The following DNAJC1 variants were observed in gnomAD, a reference collection of about 807,000 sequenced individuals.
The protein encoded by DNAJC1 is DnaJ heat shock protein family (Hsp40) member C1.
DNAJC1 carries 58 observed loss-of-function variants against 76.6 expected under a neutral mutation model. The ratio of observed to expected loss-of-function variants is 0.76; its 90% CI spans 0.61 to 0.94. DNAJC1 has a LOEUF of 0.94. Ranked by LOEUF, DNAJC1 falls within the 40% of genes least tolerant of loss-of-function variation. The pLI is 0.00. For synonymous variants in DNAJC1, 258 were observed against 267.9 expected (o/e 0.96, Z 0.36); for missense variants, 689 against 677.3 (o/e 1.02, Z -0.19).
At chr10:21,826,017 G>A (rs191847007) in intron 8 of DNAJC1, among the ~76,000 whole-genome samples, 54 of 152,124 alleles carry the variant, frequency 3.5e-4, no homozygotes, top group African/African-American at 1.3e-3. Context: ...CAGGCAGATC[G>A]CCAGAGGTCA....
intron 1 of DNAJC1, among the ~76,000 whole-genome samples, chr10:21,992,943 C>G (rs1434811887): frequency 6.6e-6 from 1 of 152,172 alleles, no homozygotes; most frequent in East Asian, 1.9e-4. Flanking sequence ...GTAAAGAATG[C>G]TAATTAATCA....
chr10:21,818,268 A>C (rs191453332), intron 8 of DNAJC1, among the ~76,000 whole-genome samples: 1,825 of 152,266 alleles, frequency 0.012, 43 homozygotes, highest in Non-Finnish European at 0.013. Flanking sequence ...AATAAGCCCC[A>C]GTCTCCCATA....
intron 7 of DNAJC1, among the ~76,000 whole-genome samples, chr10:21,891,764 A>G (rs1564819109): frequency 6.6e-6 from 1 of 152,216 alleles, no homozygotes; most frequent in Non-Finnish European, 1.5e-5. Flanking sequence ...GAGATGAAGG[A>G]AAACTAAAAT....
At chr10:21,786,459 TATATAGAGAG>T (rs1337042356) in intron 9 of DNAJC1, among the ~76,000 whole-genome samples, 31 of 37,708 alleles carry the variant, frequency 8.2e-4, no homozygotes, top group South Asian at 1.5e-3. Context: ...TATATATATA[TATATAGAGAG>T]AGAGAGAGAG....
chr10:21,883,510 T>C (rs1564816823), intron 7 of DNAJC1, among the ~76,000 whole-genome samples: 1 of 152,204 alleles, frequency 6.6e-6, no homozygotes, highest in Non-Finnish European at 1.5e-5. Flanking sequence ...TACCAATGCT[T>C]GTTGACTTAT....
chr10:21,961,584 A>G (rs897123022), intron 1 of DNAJC1, among the ~76,000 whole-genome samples: 11 of 152,132 alleles, frequency 7.2e-5, no homozygotes, highest in Non-Finnish European at 1.5e-4. Flanking sequence ...GGGGAAGGGG[A>G]AAAGGGTGGT....
At chr10:21,869,121 T>A (rs531003673) in intron 8 of DNAJC1, among the ~76,000 whole-genome samples, 1 of 150,280 alleles carries the variant, frequency 6.7e-6, no homozygotes, top group Non-Finnish European at 1.5e-5. Flanking sequence ...TTTCCAGATA[T>A]CTCTTCTGGA....
chr10:21,790,041 A>C (rs1834663690), intron 9 of DNAJC1, among the ~76,000 whole-genome samples: 1 of 147,288 alleles, frequency 6.8e-6, no homozygotes, highest in Non-Finnish European at 1.5e-5. Context: ...AAAAAAAGAA[A>C]CAGCTTAAGT....
At chr10:21,920,577 G>C in intron 4 of DNAJC1, 1 of 360,740 alleles carries the variant, frequency 2.8e-6, no homozygotes, top group Non-Finnish European at 4.8e-6. Flanking sequence ...CTTTCACAAA[G>C]TTTTATAACA....
At chr10:21,882,486 A>C (rs1470294821) in intron 7 of DNAJC1, 47 bp from the exon 8 acceptor site, 5 of 1,245,468 alleles carry the variant, frequency 4.0e-6, no homozygotes, top group Non-Finnish European at 4.3e-6. Context: ...TTAAAGAATA[A>C]AATTAATTTC....
intron 9 of DNAJC1, among the ~76,000 whole-genome samples, chr10:21,783,745 C>A (rs946138239): frequency 1.3e-5 from 2 of 152,164 alleles, no homozygotes; most frequent in Admixed American, 1.3e-4. Flanking sequence ...AGAAATAACA[C>A]CACACATCTA....
chr10:21,931,638 G>A (rs1837226668), intron 1 of DNAJC1, among the ~76,000 whole-genome samples: 1 of 152,132 alleles, frequency 6.6e-6, no homozygotes, highest in Non-Finnish European at 1.5e-5. Context: ...TCCTTGACCT[G>A]ATAAACTATA....
At chr10:21,963,865 C>T (rs1038310700) in intron 1 of DNAJC1, among the ~76,000 whole-genome samples, 3 of 151,558 alleles carry the variant, frequency 2.0e-5, no homozygotes, top group African/African-American at 7.3e-5. Flanking sequence ...TATTTCTTTC[C>T]TTTCCTTTCT....
At chr10:21,859,421 C>A (rs1009230957) in intron 8 of DNAJC1, among the ~76,000 whole-genome samples, 2 of 152,100 alleles carry the variant, frequency 1.3e-5, no homozygotes, top group Non-Finnish European at 2.9e-5. Context: ...CATGAGCACA[C>A]AGGACAGTAT....
intron 1 of DNAJC1, among the ~76,000 whole-genome samples, chr10:21,977,530 A>T (rs1231364119): frequency 6.6e-6 from 1 of 152,140 alleles, no homozygotes; most frequent in Admixed American, 6.5e-5. Context: ...AGAAGTACAG[A>T]TATCTCTCTA....
chr10:21,817,641 C>A (rs904518044), intron 8 of DNAJC1, among the ~76,000 whole-genome samples: 2 of 152,032 alleles, frequency 1.3e-5, no homozygotes, highest in Admixed American at 6.6e-5. Flanking sequence ...ATGTATTCTG[C>A]AAAAAAATTT....
chr10:21,795,795 C>T (rs1032107222), intron 9 of DNAJC1, among the ~76,000 whole-genome samples: 1 of 152,180 alleles, frequency 6.6e-6, no homozygotes, highest in African/African-American at 2.4e-5. Context: ...CTATTTCTCC[C>T]TCCCTTCAGC....
At position 21,775,714 on chromosome 10, in the gene DNAJC1, G is replaced by C. The variant is rs953523739; in HGVS notation, c.1099-9405C>G. ...TAGTACATAATACATTTTTCAGCTA[G>C]TCATTCTATTTTTATATCATGTGCA... On this transcript the variant is annotated intron_variant, in intron 9 of 11. Coordinates refer to ENST00000376980, the MANE Select transcript of DNAJC1 (RefSeq NM_022365.4). Among the ~76,000 whole-genome samples the C allele has an allele frequency of 2.0e-5, 3 of 152,052 alleles. No homozygotes were observed. In the South Asian group the frequency reaches 6.2e-4, roughly 32 times the overall value.
At chr10:21,985,447 C>T (rs1189515492) in intron 1 of DNAJC1, among the ~76,000 whole-genome samples, 1 of 152,090 alleles carries the variant, frequency 6.6e-6, no homozygotes, top group Non-Finnish European at 1.5e-5. Flanking sequence ...TGGGGTTTCA[C>T]CATGTTGGCC....
Sources: allele counts gnomAD v4.1 joint callset (sites outside exome capture counted in the v4.1 genomes callset), GRCh38; gene constraint gnomAD v4.1.1; transcripts MANE v1.5; gene names NCBI Gene and HGNC (gene_info 2026-07-23, HGNC 2026-07-21).